Variants in SMC6 observed in about 807,000 individuals in gnomAD.
SMC6 encodes structural maintenance of chromosomes 6, also known as structural maintenance of chromosomes protein 6.
A neutral mutation model predicts 142.2 loss-of-function variants in SMC6; 79 were observed. The observed-to-expected ratio is 0.56, with a 90% CI of 0.46 to 0.67. The LOEUF (loss-of-function observed/expected upper bound fraction) is 0.67. Among genes scored for constraint, SMC6 ranks in the 30% least tolerant of loss-of-function variants. The pLI is 0.00. For synonymous variants in SMC6, 411 were observed against 412.4 expected, an observed-to-expected ratio of 1.00 and a Z score of 0.04; for missense variants, 1,072 against 1,284.0, an observed-to-expected ratio of 0.83 and a Z score of 2.52.
chr2:17,671,940 T>A (rs892584529), intron 25 of SMC6, among the ~76,000 whole-genome samples: 3 of 152,104 alleles, frequency 2.0e-5, no homozygotes, highest in African/African-American at 7.2e-5. Flanking sequence ...TAGCTTCCAA[T>A]ACTTTTCAAT....
Position 17,731,826 on chromosome 2 carries a change from T to C in SMC6, c.396A>G (p.Lys132=), listed in dbSNP as rs769742706. ...GTATAGAGTTACCATACACACTGGC[T>C]TTAAAGGCATCATCTCCTCTGTTCC... ...TLRNRGDDAF[K]ASVYGNSILI... is the part of the protein sequence containing the mutation. The change falls in exon 6 of 28, where the codon AAA becomes AAG. Residue 132 remains lysine, a synonymous_variant. Transcript: ENST00000448223. 1.2e-6 allele frequency: 2 copies of C among 1,613,862 alleles called. No homozygotes were observed. The highest frequency in any genetic ancestry group is 1.3e-5 in the African/African-American group (1 of 75,040).
At chr2:17,715,145 T>C (rs1203308893) in intron 15 of SMC6, 80 bp from the exon 16 acceptor site, 83 of 1,279,346 alleles carry the variant, frequency 6.5e-5, no homozygotes, top group Admixed American at 4.3e-4. Context: ...AATTATAGCA[T>C]ATAAATGACT....
rs3217290 is a variant in SMC6 at position 17,731,597 on chromosome 2, C to CGTGT, written c.481+140_481+143dup. The CGTGT allele has an allele frequency of 7.6e-3, 5,294 of 696,638 alleles. 36 individuals are homozygous for CGTGT. Among genetic ancestry groups the CGTGT allele is most frequent in the East Asian group, 0.038 (1,424 of 37,034 alleles). 43.2% of individuals were successfully genotyped at this position (696,638 alleles called of 1,614,324 possible). A position where few individuals can be genotyped will look rare whatever the true frequency, so the allele number is the denominator to read the frequency against. ...AAAACAACCATGTGTAACATATGCA[C>CGTGT]GTGTGTGTGTGTGTGTGTATATATA... is the stretch of plus-strand genomic sequence containing the variant. On this transcript the variant is annotated intron_variant, in intron 6 of 27. Transcript: ENST00000448223.
chr2:17,684,097 A>G (rs925666079), intron 23 of SMC6, among the ~76,000 whole-genome samples: 1 of 152,210 alleles, frequency 6.6e-6, no homozygotes, highest in Non-Finnish European at 1.5e-5. Flanking sequence ...GGAAGGGGTC[A>G]CACTGGAAGA....
chr2:17,740,609 C>T (rs1190602182), intron 4 of SMC6: 1 of 325,404 alleles, frequency 3.1e-6, no homozygotes, highest in Non-Finnish European at 6.0e-6. Flanking sequence ...AATCCCAGCA[C>T]TCTGCGAAGC....
intron 7 of SMC6, among the ~76,000 whole-genome samples, chr2:17,729,156 T>G (rs1669783475): frequency 6.6e-6 from 1 of 152,224 alleles, no homozygotes; most frequent in Non-Finnish European, 1.5e-5. Context: ...ATTATCATTG[T>G]AACATGTAAT....
At chr2:17,704,357 G>A (rs1668405410) in intron 18 of SMC6, among the ~76,000 whole-genome samples, 1 of 152,196 alleles carries the variant, frequency 6.6e-6, no homozygotes, top group Non-Finnish European at 1.5e-5. Flanking sequence ...AAATGTGTGA[G>A]TAGTGAAGGG....
At chr2:17,748,312 G>A (rs1054844552) in intron 2 of SMC6, among the ~76,000 whole-genome samples, 10 of 152,178 alleles carry the variant, frequency 6.6e-5, no homozygotes, top group Non-Finnish European at 1.5e-4. Flanking sequence ...GCACATTAGA[G>A]TTGAATTGTT....
rs1173501221 is a variant in SMC6 at position 17,731,982 on chromosome 2, A to C, written c.345-105T>G. 2.5e-6 allele frequency: 3 copies of C among 1,200,786 alleles called. No homozygotes were observed. The African/African-American group carries it at 4.6e-5, about 18-fold the overall frequency. 74.4% of individuals were successfully genotyped at this position (1,200,786 alleles called of 1,614,324 possible). On this transcript the variant is annotated intron_variant, in intron 5 of 27. Coordinates refer to ENST00000448223, the MANE Select transcript of SMC6 (RefSeq NM_001142286.2). ...TCAAAACCACCAAATAATTTGGCCAATTCATTTGCAAATTAGATTTACATC... is the reference window on the plus strand; with the variant it reads ...TCAAAACCACCAAATAATTTGGCCACTTCATTTGCAAATTAGATTTACATC...
intron 25 of SMC6, among the ~76,000 whole-genome samples, chr2:17,674,746 A>G (rs1247566905): frequency 1.3e-5 from 2 of 152,152 alleles, no homozygotes; most frequent in South Asian, 2.1e-4. Context: ...ATTTTTTAAA[A>G]TAACTTTTAT....
In SMC6 at chr2:17,721,127, T is replaced by G; in HGVS notation, c.846+15A>C. 6.2e-7 allele frequency: 1 copy of G among 1,611,106 alleles called. No individual in the cohort carries two copies. Among genetic ancestry groups the G allele is most frequent in the Non-Finnish European group, 8.5e-7 (1 of 1,178,596 alleles). The stretch of plus-strand genomic sequence containing the variant: ...ATCACATAGATACGTGAACAAGTAA[T>G]TAAGTGATAATTACCACTGCCCAAG... On this transcript the variant is annotated intron_variant, in intron 10 of 27. Coordinates refer to ENST00000448223, the MANE Select transcript of SMC6 (RefSeq NM_001142286.2).
chr2:17,723,733 G>A (rs1002830553), intron 9 of SMC6, among the ~76,000 whole-genome samples: 19 of 152,120 alleles, frequency 1.2e-4, no homozygotes, highest in Admixed American at 4.6e-4. Context: ...TTAGGTCTAT[G>A]ATCCCAAGAA....
At chr2:17,689,950 T>G (rs1170636475) in intron 23 of SMC6, among the ~76,000 whole-genome samples, 4 of 152,170 alleles carry the variant, frequency 2.6e-5, no homozygotes, top group Non-Finnish European at 1.5e-5. Context: ...ATGGAATCAG[T>G]GGATACAGAG....
chr2:17,705,845 A>G (rs1668484141), intron 18 of SMC6, among the ~76,000 whole-genome samples: 1 of 152,154 alleles, frequency 6.6e-6, no homozygotes, highest in Non-Finnish European at 1.5e-5. Flanking sequence ...CTAATGAAAA[A>G]TATATTAAGC....
intron 5 of SMC6, among the ~76,000 whole-genome samples, chr2:17,734,614 C>A (rs1242607717): frequency 6.6e-6 from 1 of 152,204 alleles, no homozygotes; most frequent in African/African-American, 2.4e-5. Context: ...AAACACCTCT[C>A]TTGATTACCA....
intron 26 of SMC6, among the ~76,000 whole-genome samples, chr2:17,666,979 C>T (rs1330309064): frequency 6.6e-6 from 1 of 152,168 alleles, no homozygotes; most frequent in Non-Finnish European, 1.5e-5. Context: ...GAAAGCCCAT[C>T]TCTAAGGGAA....
intron 25 of SMC6, among the ~76,000 whole-genome samples, chr2:17,672,528 G>C (rs753771470): frequency 3.9e-5 from 6 of 151,954 alleles, no homozygotes; most frequent in Non-Finnish European, 7.4e-5. Flanking sequence ...CCACTACTGA[G>C]ATCAAGACAC....
At chr2:17,737,240 T>C (rs1670201760) in intron 5 of SMC6, among the ~76,000 whole-genome samples, 1 of 152,176 alleles carries the variant, frequency 6.6e-6, no homozygotes, top group Admixed American at 6.5e-5. Flanking sequence ...GCAGGCCTGA[T>C]TCACATCCTG....
chr2:17,671,408 G>A (rs1666751834), intron 25 of SMC6, among the ~76,000 whole-genome samples: 1 of 148,926 alleles, frequency 6.7e-6, no homozygotes, highest in African/African-American at 2.5e-5. Flanking sequence ...GACCAGCCTG[G>A]GCAACATGGG....
Sources: gnomAD v4.1 joint callset for allele counts (sites outside exome capture counted in the v4.1 genomes callset) on GRCh38, gnomAD v4.1.1 for gene constraint, MANE v1.5 for transcripts, NCBI Gene and HGNC (gene_info 2026-07-23, HGNC 2026-07-21) for gene names.